MAP2K6: variants seen among roughly 807,000 people sequenced by gnomAD.
The protein encoded by MAP2K6 is mitogen-activated protein kinase kinase 6.
MAP2K6 carries 16 observed loss-of-function variants against 53.7 expected under a neutral mutation model. The ratio of observed to expected loss-of-function variants is 0.30; its 90% confidence interval spans 0.20 to 0.45. The LOEUF (loss-of-function observed/expected upper bound fraction) is 0.45. Among genes scored for constraint, MAP2K6 ranks in the 20% least tolerant of loss-of-function variants. The pLI is 1.00. For missense variants in MAP2K6, 204 were observed against 411.9 expected (o/e 0.50, Z 4.37); for synonymous variants, 132 against 143.1 (o/e 0.92, Z 0.55).
intron 1 of MAP2K6, among the ~76,000 whole-genome samples, chr17:69,428,878 T>A (rs1456998005): frequency 2.7e-5 from 4 of 147,926 alleles, no homozygotes; most frequent in Admixed American, 1.3e-4. Context: ...TTTTTTTTTT[T>A]AATTGTTAAT....
intron 1 of MAP2K6, among the ~76,000 whole-genome samples, chr17:69,418,085 C>T (rs773060098): frequency 8.5e-5 from 13 of 152,286 alleles, no homozygotes; most frequent in Middle Eastern, 6.8e-3. Context: ...TTCTTGTTCT[C>T]TATAAATTCC....
rs1462800698 is a variant in MAP2K6 at position 69,441,575 on chromosome 17, G to T, written c.16+26575G>T. ...CGTTGATGGCTGCCTTAAAATTCTT[G>T]TCAGGAAATTCTCACTTCTGTGTCG... On this transcript the variant is annotated intron_variant, in intron 1 of 11. Transcript: ENST00000590474. Among the ~76,000 whole-genome samples the T allele has an allele frequency of 3.9e-5, 6 of 152,060 alleles. No homozygotes were observed. The East Asian group carries it at 1.2e-3, about 29-fold the overall frequency.
At chr17:69,441,231 G>A (rs1232282468) in intron 1 of MAP2K6, among the ~76,000 whole-genome samples, 3 of 152,102 alleles carry the variant, frequency 2.0e-5, no homozygotes, top group African/African-American at 7.2e-5. Context: ...ATACTTTTCA[G>A]CCTCAAATTC....
intron 1 of MAP2K6, among the ~76,000 whole-genome samples, chr17:69,473,772 G>C (rs1908053553): frequency 1.3e-5 from 2 of 152,268 alleles, no homozygotes; most frequent in South Asian, 4.1e-4. Flanking sequence ...GACTTAAAAT[G>C]TAAAAATGTG....
intron 1 of MAP2K6, among the ~76,000 whole-genome samples, chr17:69,479,025 T>G (rs1184982307): frequency 2.6e-5 from 4 of 152,212 alleles, no homozygotes; most frequent in African/African-American, 9.6e-5. Flanking sequence ...TCCATTTTTC[T>G]TTCTAGGTCT....
chr17:69,433,620 G>A (rs1348403402), intron 1 of MAP2K6: 1 of 152,226 alleles, frequency 6.6e-6, no homozygotes, highest in Non-Finnish European at 1.5e-5. Flanking sequence ...TGTAAAGAGA[G>A]ATGATTCCTA....
At chr17:69,432,302 G>C (rs1906488011) in intron 1 of MAP2K6, among the ~76,000 whole-genome samples, 1 of 152,112 alleles carries the variant, frequency 6.6e-6, no homozygotes. Context: ...CCATTACTGG[G>C]TATATACCCA....
chr17:69,513,600 A>C (rs1045894573), intron 2 of MAP2K6, among the ~76,000 whole-genome samples: 1 of 152,212 alleles, frequency 6.6e-6, no homozygotes, highest in Non-Finnish European at 1.5e-5. Context: ...TTTAGGCTAC[A>C]TGGGCCACAG....
chr17:69,523,861 A>C (rs917239512), intron 8 of MAP2K6, among the ~76,000 whole-genome samples: 2 of 152,248 alleles, frequency 1.3e-5, no homozygotes, highest in Admixed American at 1.3e-4. Context: ...AAAGTAATGT[A>C]AGCCAGGCAG....
intron 7 of MAP2K6, among the ~76,000 whole-genome samples, chr17:69,523,122 G>A (rs1697788584): frequency 6.6e-6 from 1 of 152,162 alleles, no homozygotes; most frequent in Non-Finnish European, 1.5e-5. Context: ...GTATCATTGT[G>A]TCACAGTCTG....
intron 1 of MAP2K6, among the ~76,000 whole-genome samples, chr17:69,474,823 G>A (rs956940604): frequency 5.3e-5 from 8 of 152,168 alleles, no homozygotes; most frequent in Non-Finnish European, 8.8e-5. Flanking sequence ...CTTCTTTATG[G>A]CGGTTTGCAC....
At chr17:69,526,549 C>T (rs746058932) in intron 9 of MAP2K6, 21 bp from the exon 10 acceptor site, 4 of 1,611,008 alleles carry the variant, frequency 2.5e-6, no homozygotes, top group Non-Finnish European at 3.4e-6. Context: ...CTGTTGTCTC[C>T]TTTTTTCTTC....
At chr17:69,482,401 AT>A (rs1206474906) in intron 1 of MAP2K6, among the ~76,000 whole-genome samples, 1 of 151,848 alleles carries the variant, frequency 6.6e-6, no homozygotes, top group Admixed American at 6.6e-5. Context: ...TCTTTCTCTT[AT>A]GTTTATCCAC....
At chr17:69,476,515 C>T (rs1480681203) in intron 1 of MAP2K6, among the ~76,000 whole-genome samples, 2 of 152,224 alleles carry the variant, frequency 1.3e-5, no homozygotes, top group East Asian at 1.9e-4. Context: ...TACTCATACA[C>T]TCATTGCTGC....
rs817563 is a variant in MAP2K6 at position 69,436,740 on chromosome 17, G to A, written c.16+21740G>A. Among the ~76,000 whole-genome samples, 346 of 151,822 alleles carry A rather than the reference G, an allele frequency of 2.3e-3. 2 individuals carry two copies. Among genetic ancestry groups the A allele is most frequent in the African/African-American group, 7.9e-3 (325 of 41,390 alleles). On this transcript the variant is annotated intron_variant, in intron 1 of 11. Transcript: ENST00000590474. ...TGACCCTGAACAATGTAAGGATTAG[G>A]GACACTGACCCCCCCATGCAGCTGA... is the stretch of plus-strand genomic sequence containing the variant.
intron 1 of MAP2K6, among the ~76,000 whole-genome samples, chr17:69,431,720 G>C (rs560977105): frequency 6.6e-6 from 1 of 152,022 alleles, no homozygotes; most frequent in Non-Finnish European, 1.5e-5. Context: ...TTTTCTCTGA[G>C]GGTCTTCTCT....
intron 1 of MAP2K6, among the ~76,000 whole-genome samples, chr17:69,415,727 G>A (rs549463543): frequency 6.6e-6 from 1 of 152,172 alleles, no homozygotes; most frequent in South Asian, 2.1e-4. Context: ...AAATATTGGG[G>A]GTAAAACTGT....
intron 1 of MAP2K6, among the ~76,000 whole-genome samples, chr17:69,495,245 A>AT (rs202032424): frequency 5.3e-4 from 79 of 148,230 alleles, no homozygotes; most frequent in African/African-American, 1.1e-3. Context: ...TCTTTTATTT[A>AT]TTTTTTTTTT....
intron 1 of MAP2K6, among the ~76,000 whole-genome samples, chr17:69,421,357 T>G (rs998485126): frequency 9.9e-5 from 15 of 152,144 alleles, no homozygotes; most frequent in Non-Finnish European, 8.8e-5. Context: ...TGAACAGATT[T>G]AAAGGTTGCA....
Sources: gnomAD v4.1 joint callset for allele counts (sites outside exome capture counted in the v4.1 genomes callset) on GRCh38, gnomAD v4.1.1 for gene constraint, MANE v1.5 for transcripts, NCBI Gene and HGNC (gene_info 2026-07-23, HGNC 2026-07-21) for gene names.